The following NRG3 variants were observed in gnomAD, a reference collection of about 807,000 sequenced individuals.
NRG3 encodes the protein pro-neuregulin-3, membrane-bound isoform.
In NRG3, 31 loss-of-function variants were observed where a neutral mutation model predicts 66.9. The ratio of observed to expected loss-of-function variants is 0.46; its 90% CI spans 0.35 to 0.63. The LOEUF (loss-of-function observed/expected upper bound fraction) is 0.63. Ranked by LOEUF, NRG3 falls within the 20% of genes least tolerant of loss-of-function variation. The probability of loss-of-function intolerance (pLI) is 0.00; values close to 1 mark genes in which losing one functional copy is unlikely to be tolerated. For missense variants in NRG3, 910 were observed against 878.9 expected, an observed-to-expected ratio of 1.04 and a Z score of -0.45; for synonymous variants, 393 against 359.4, an observed-to-expected ratio of 1.09 and a Z score of -1.06.
chr10:82,130,532 T>G (rs1339109600), intron 1 of NRG3, among the ~76,000 whole-genome samples: 1 of 152,128 alleles, frequency 6.6e-6, no homozygotes. Context: ...TATACTGATT[T>G]CATTTTTTTG....
At chr10:82,461,491 A>G (rs757377075) in intron 2 of NRG3, among the ~76,000 whole-genome samples, 13 of 152,110 alleles carry the variant, frequency 8.5e-5, no homozygotes, top group Admixed American at 6.5e-5. Context: ...CCACATTCTT[A>G]TCATTGCACA....
chr10:82,039,469 G>A (rs1396224524), intron 1 of NRG3, among the ~76,000 whole-genome samples: 2 of 152,034 alleles, frequency 1.3e-5, no homozygotes, highest in African/African-American at 4.8e-5. Flanking sequence ...TGGCACTAGG[G>A]TATAGCTTCA....
At chr10:82,702,244 G>A (rs761743603) in intron 2 of NRG3, among the ~76,000 whole-genome samples, 10 of 152,072 alleles carry the variant, frequency 6.6e-5, no homozygotes, top group Admixed American at 1.3e-4. Context: ...AGCTGCATTC[G>A]CTTCATGAAA....
At chr10:82,966,678 A>G (rs1271328535) in intron 6 of NRG3, among the ~76,000 whole-genome samples, 4 of 152,180 alleles carry the variant, frequency 2.6e-5, no homozygotes, top group Non-Finnish European at 5.9e-5. Flanking sequence ...AAGTATCTAC[A>G]TAAGTTATTT....
intron 1 of NRG3, among the ~76,000 whole-genome samples, chr10:81,969,953 T>C (rs932956956): frequency 6.6e-6 from 1 of 152,234 alleles, no homozygotes; most frequent in East Asian, 1.9e-4. Context: ...CTATCTTTAC[T>C]GCTAGAAGGA....
intron 6 of NRG3, among the ~76,000 whole-genome samples, chr10:82,961,909 A>G (rs367868757): frequency 1.3e-5 from 2 of 152,190 alleles, no homozygotes; most frequent in Non-Finnish European, 2.9e-5. Flanking sequence ...CTTGCTTACC[A>G]TATCAGGCAA....
At chr10:82,284,597 T>C (rs1296244036) in intron 1 of NRG3, among the ~76,000 whole-genome samples, 1 of 152,242 alleles carries the variant, frequency 6.6e-6, no homozygotes. Context: ...TCTGTTTCTT[T>C]AATGATTTCT....
intron 2 of NRG3, among the ~76,000 whole-genome samples, chr10:82,391,996 AAAAAAAAAAAAAAAC>A (rs1323406375): frequency 1.4e-5 from 2 of 146,044 alleles, no homozygotes; most frequent in African/African-American, 2.5e-5. Flanking sequence ...GCACATGCAA[AAAAAAAAAAAAAAAC>A]AAAAAAAAAA....
At chr10:82,891,209 A>ATGAG (rs1239668854) in intron 4 of NRG3, among the ~76,000 whole-genome samples, 2 of 151,638 alleles carry the variant, frequency 1.3e-5, no homozygotes, top group Non-Finnish European at 2.9e-5. Context: ...AAATCTATAG[A>ATGAG]TGAGTTTGAA....
intron 3 of NRG3, among the ~76,000 whole-genome samples, chr10:82,853,042 A>ACACC (rs2063638138): frequency 6.6e-6 from 1 of 152,178 alleles, no homozygotes; most frequent in African/African-American, 2.4e-5. Context: ...AGGTGTTAGA[A>ACACC]TAGGGTAAGG....
chr10:82,363,090 G>A (rs1415157207), intron 2 of NRG3, among the ~76,000 whole-genome samples: 1 of 152,060 alleles, frequency 6.6e-6, no homozygotes, highest in Non-Finnish European at 1.5e-5. Flanking sequence ...CAAACTGTGA[G>A]GAAACCGAAT....
At chr10:82,853,737 T>G (rs1223035954) in intron 3 of NRG3, among the ~76,000 whole-genome samples, 2 of 152,190 alleles carry the variant, frequency 1.3e-5, no homozygotes, top group South Asian at 2.1e-4. Context: ...ACAATCATAT[T>G]ATTGGCAAAC....
chr10:82,153,411 T>TTGTGTGTGTG (rs34783247), intron 1 of NRG3, among the ~76,000 whole-genome samples: 2,448 of 146,592 alleles, frequency 0.017, 96 homozygotes, highest in East Asian at 0.13. Context: ...TAGTATTCCA[T>TTGTGTGTGTG]TGTGTGTGTG....
At chr10:82,609,608 G>C (rs1026468092) in intron 2 of NRG3, among the ~76,000 whole-genome samples, 1 of 150,858 alleles carries the variant, frequency 6.6e-6, no homozygotes, top group Non-Finnish European at 1.5e-5. Flanking sequence ...AAAAGAGAGA[G>C]AGAAAATTGG....
chr10:82,216,460 ATGTGTG>A (rs141417032), intron 1 of NRG3, among the ~76,000 whole-genome samples: 116 of 146,414 alleles, frequency 7.9e-4, no homozygotes, highest in Non-Finnish European at 1.5e-3. Flanking sequence ...TTTTATATAT[ATGTGTG>A]TGTGTGTGTG....
At chr10:82,054,285 T>G (rs1186120277) in intron 1 of NRG3, among the ~76,000 whole-genome samples, 1 of 152,162 alleles carries the variant, frequency 6.6e-6, no homozygotes, top group Non-Finnish European at 1.5e-5. Context: ...TGATGACAGC[T>G]TAGACCAGAG....
chr10:82,039,918 A>G (rs180691714), intron 1 of NRG3, among the ~76,000 whole-genome samples: 2 of 152,176 alleles, frequency 1.3e-5, no homozygotes, highest in African/African-American at 2.4e-5. Flanking sequence ...TTCACTATCT[A>G]CTTCTGCCAT....
chr10:82,693,281 T>C (rs868422834), intron 2 of NRG3, among the ~76,000 whole-genome samples: 4 of 152,244 alleles, frequency 2.6e-5, no homozygotes, highest in Non-Finnish European at 4.4e-5. Flanking sequence ...CTAGAAATTT[T>C]GTTTCTTTAA....
chr10:81,941,201 T>C (rs1273505928), intron 1 of NRG3, among the ~76,000 whole-genome samples: 1 of 152,150 alleles, frequency 6.6e-6, no homozygotes, highest in Non-Finnish European at 1.5e-5. Context: ...AATTTTTACT[T>C]GTGACGACCA....
Sources: allele counts gnomAD v4.1 joint callset (sites outside exome capture counted in the v4.1 genomes callset), GRCh38; gene constraint gnomAD v4.1.1; transcripts MANE v1.5; gene names NCBI Gene and HGNC (gene_info 2026-07-23, HGNC 2026-07-21).